The following PDK1 variants were observed in gnomAD, a reference collection of about 807,000 sequenced individuals.
The protein encoded by PDK1 is pyruvate dehydrogenase kinase 1, also known as [Pyruvate dehydrogenase (acetyl-transferring)] kinase isozyme 1, mitochondrial.
PDK1 carries 39 observed loss-of-function variants against 54.2 expected under a neutral mutation model. The observed-to-expected ratio is 0.72, with a 90% CI of 0.56 to 0.94. PDK1 has a LOEUF of 0.94. Ranked by LOEUF, PDK1 falls within the 40% of genes least tolerant of loss-of-function variation. The probability of loss-of-function intolerance (pLI) is 0.00; values close to 1 mark genes in which losing one functional copy is unlikely to be tolerated. For synonymous variants in PDK1, 221 were observed against 207.1 expected, an observed-to-expected ratio of 1.07 and a Z score of -0.58; for missense variants, 552 against 566.0, an observed-to-expected ratio of 0.98 and a Z score of 0.25.
the PDK1 span, among the ~76,000 whole-genome samples, chr2:172,688,214 AG>A: frequency 6.6e-6 from 1 of 152,210 alleles, no homozygotes. Flanking sequence ...ATCCTTCAGT[AG>A]GCTGTTGCAG....
the PDK1 span, among the ~76,000 whole-genome samples, chr2:172,668,537 T>C: frequency 2.0e-5 from 3 of 151,568 alleles, no homozygotes; most frequent in Non-Finnish European, 4.4e-5. Flanking sequence ...AGCTTGGGTA[T>C]GTGTCTAAAA....
the PDK1 span, among the ~76,000 whole-genome samples, chr2:172,700,557 C>T: frequency 6.9e-6 from 1 of 144,626 alleles, no homozygotes; most frequent in African/African-American, 2.6e-5. Context: ...TCATCCCAGA[C>T]GATGGGCGGC....
chr2:172,639,730 T>C, the PDK1 span, among the ~76,000 whole-genome samples: 5 of 152,126 alleles, frequency 3.3e-5, no homozygotes, highest in African/African-American at 1.2e-4. Flanking sequence ...TTGAGGGACG[T>C]TGGGTCATGA....
At chr2:172,698,625 A>G in the PDK1 span, among the ~76,000 whole-genome samples, 1 of 152,234 alleles carries the variant, frequency 6.6e-6, no homozygotes, top group Middle Eastern at 3.2e-3. Context: ...CTCCACCCCC[A>G]GAACTTCTGA....
the PDK1 span, among the ~76,000 whole-genome samples, chr2:172,660,208 GT>G: frequency 7.4e-6 from 1 of 134,740 alleles, no homozygotes; most frequent in South Asian, 2.5e-4. Context: ...ACATGTCAGT[GT>G]ATCGATCTAT....
chr2:172,667,793 C>T, the PDK1 span, among the ~76,000 whole-genome samples: 1 of 152,192 alleles, frequency 6.6e-6, no homozygotes, highest in Admixed American at 6.5e-5. Context: ...GGGCTCTCTG[C>T]CATGTGGGTC....
chr2:172,682,087 G>A, the PDK1 span, among the ~76,000 whole-genome samples: 460 of 152,278 alleles, frequency 3.0e-3, 3 homozygotes, highest in African/African-American at 0.01. Flanking sequence ...TGAGCAAGTC[G>A]ATGTAGGCCT....
At chr2:172,696,434 T>A in the PDK1 span, among the ~76,000 whole-genome samples, 1 of 152,218 alleles carries the variant, frequency 6.6e-6, no homozygotes, top group East Asian at 1.9e-4. Flanking sequence ...TAATTTTAAT[T>A]TTTTAGTGAG....
chr2:172,639,587 T>A, the PDK1 span, among the ~76,000 whole-genome samples: 1 of 152,368 alleles, frequency 6.6e-6, no homozygotes, highest in South Asian at 2.1e-4. Context: ...TTATGTAGAA[T>A]TATTTTCATT....
At chr2:172,631,479 C>T in the PDK1 span, among the ~76,000 whole-genome samples, 5 of 152,212 alleles carry the variant, frequency 3.3e-5, no homozygotes, top group Non-Finnish European at 7.3e-5. Flanking sequence ...TTGTTTGGGA[C>T]AGCAATATAT....
chr2:172,580,180 A>G (rs1002970980), intron 8 of PDK1, among the ~76,000 whole-genome samples: 1 of 152,034 alleles, frequency 6.6e-6, no homozygotes, highest in African/African-American at 2.4e-5. Context: ...GATAGGCACA[A>G]AAAAGTCAAT....
the PDK1 span, among the ~76,000 whole-genome samples, chr2:172,630,652 C>G: frequency 3.4e-5 from 5 of 147,272 alleles, no homozygotes; most frequent in Admixed American, 1.4e-4. Context: ...TTTTTTGAGA[C>G]AGGGCCTCAT....
At chr2:172,582,824 G>A (rs1027384740) in intron 8 of PDK1, among the ~76,000 whole-genome samples, 9 of 152,182 alleles carry the variant, frequency 5.9e-5, no homozygotes, top group African/African-American at 1.9e-4. Context: ...TACTTTGACT[G>A]TAGTTTCTAA....
At chr2:172,574,006 G>C (rs1689441234) in intron 8 of PDK1, among the ~76,000 whole-genome samples, 1 of 152,020 alleles carries the variant, frequency 6.6e-6, no homozygotes, top group African/African-American at 2.4e-5. Context: ...AGAAACCATT[G>C]CCTACTCCAA....
the PDK1 span, among the ~76,000 whole-genome samples, chr2:172,634,092 TCTCGAA>T: frequency 6.6e-6 from 1 of 151,024 alleles, no homozygotes; most frequent in East Asian, 1.9e-4. Flanking sequence ...GCCAGGCTGG[TCTCGAA>T]CTCCTGAGAG....
the PDK1 span, among the ~76,000 whole-genome samples, chr2:172,667,489 A>T: frequency 4.6e-5 from 7 of 152,334 alleles, no homozygotes; most frequent in South Asian, 1.4e-3. Context: ...GTTGGTTTGC[A>T]TATGAAAGGT....
the PDK1 span, among the ~76,000 whole-genome samples, chr2:172,693,110 C>G: frequency 1.3e-5 from 2 of 152,242 alleles, no homozygotes; most frequent in Non-Finnish European, 2.9e-5. Context: ...CAGTGAGCCT[C>G]TTCCCTTGCA....
chr2:172,659,651 G>C, the PDK1 span, among the ~76,000 whole-genome samples: 1 of 152,208 alleles, frequency 6.6e-6, no homozygotes, highest in African/African-American at 2.4e-5. Flanking sequence ...TCATAATTTT[G>C]AATCAATCGT....
chr2:172,636,898 C>T, the PDK1 span, among the ~76,000 whole-genome samples: 12 of 152,130 alleles, frequency 7.9e-5, no homozygotes, highest in South Asian at 2.1e-3. Context: ...CAGTCTACTA[C>T]CCTCCTCCCT....
Sources: gnomAD v4.1 joint callset for allele counts (sites outside exome capture counted in the v4.1 genomes callset) on GRCh38, gnomAD v4.1.1 for gene constraint, MANE v1.5 for transcripts, NCBI Gene and HGNC (gene_info 2026-07-23, HGNC 2026-07-21) for gene names.